The following BARX2 variants were observed in gnomAD, a reference collection of about 807,000 sequenced individuals.
The protein encoded by BARX2 is homeobox protein BarH-like 2.
A neutral mutation model predicts 25.5 loss-of-function variants in BARX2; 11 were observed. The observed-to-expected ratio is 0.43, with a 90% CI of 0.27 to 0.71. BARX2 has a LOEUF of 0.71. BARX2 is among the 30% of genes least tolerant of loss of function. The pLI is 0.19. For missense variants in BARX2, 360 were observed against 359.9 expected (o/e 1.00, Z 0.00); for synonymous variants, 137 against 149.5 (o/e 0.92, Z 0.61).
rs533368792 is a variant in BARX2, at chr11:129,448,261, C to A, written c.574-2875C>A. The stretch of plus-strand genomic sequence containing the variant: ...CTTCTTAGATATGACAGCAAAAGCA[C>A]AAGCAACAGAAGAAAACATAAATTG... On this transcript the variant is annotated intron_variant, in intron 3 of 3. Transcript: ENST00000281437. 2.0e-5 allele frequency among the ~76,000 whole-genome samples: 3 copies of A among 152,230 alleles called. No homozygotes were observed. The East Asian group carries it at 5.8e-4, about 29-fold the overall frequency.
chr11:129,434,998 C>T (rs576851370), intron 1 of BARX2, among the ~76,000 whole-genome samples: 1 of 152,330 alleles, frequency 6.6e-6, no homozygotes, highest in South Asian at 2.1e-4. Flanking sequence ...CTAGATTACA[C>T]ATTAGCCTGC....
chr11:129,418,525 G>A (rs1817118982), intron 1 of BARX2, among the ~76,000 whole-genome samples: 2 of 152,190 alleles, frequency 1.3e-5, no homozygotes, highest in South Asian at 2.1e-4. Flanking sequence ...CCTTTATCTT[G>A]TAGAAGTTGC....
At position 129,423,372 on chromosome 11, in the gene BARX2, C is replaced by T. The variant is rs541078956; in HGVS notation, c.188-13379C>T. On this transcript the variant is annotated intron_variant, in intron 1 of 3. Transcript: ENST00000281437. ...CCCCTTGATCCACCCACCTTGGCCT[C>T]CCAAAGTGCTGGGATTACGGGCTTG... is the stretch of plus-strand genomic sequence containing the variant. Among the ~76,000 whole-genome samples, 3 of 152,306 alleles carry T rather than the reference C, an allele frequency of 2.0e-5. No individual in the cohort carries two copies. In the South Asian group the frequency reaches 6.2e-4, roughly 32 times the overall value.
At chr11:129,415,359 G>A (rs887457333) in intron 1 of BARX2, among the ~76,000 whole-genome samples, 2 of 152,138 alleles carry the variant, frequency 1.3e-5, no homozygotes, top group African/African-American at 2.4e-5. Flanking sequence ...AGAAGCCATC[G>A]GGAAAAGCCT....
At chr11:129,434,604 A>G (rs1194622448) in intron 1 of BARX2, among the ~76,000 whole-genome samples, 6 of 152,090 alleles carry the variant, frequency 3.9e-5, no homozygotes, top group Non-Finnish European at 8.8e-5. Flanking sequence ...ATGTACCACA[A>G]TTTATTTAAT....
chr11:129,398,152 TGGTGACTTG>T (rs1314088082), intron 1 of BARX2, among the ~76,000 whole-genome samples: 2 of 152,236 alleles, frequency 1.3e-5, no homozygotes, highest in African/African-American at 4.8e-5. Flanking sequence ...CAGACTGTGA[TGGTGACTTG>T]GGTGTTTCTG....
At chr11:129,448,037 T>A (rs542966773) in intron 3 of BARX2, among the ~76,000 whole-genome samples, 6 of 152,382 alleles carry the variant, frequency 3.9e-5, no homozygotes, top group South Asian at 2.1e-4. Flanking sequence ...CCTTAATATC[T>A]GTGTGTTAGC....
intron 3 of BARX2, among the ~76,000 whole-genome samples, chr11:129,445,827 G>A (rs1456613815): frequency 6.6e-6 from 1 of 152,178 alleles, no homozygotes; most frequent in African/African-American, 2.4e-5. Context: ...GGAATAGCAA[G>A]GCTGTGTTGT....
At chr11:129,444,083 G>A (rs1465910859) in intron 3 of BARX2, among the ~76,000 whole-genome samples, 1 of 151,394 alleles carries the variant, frequency 6.6e-6, no homozygotes, top group Non-Finnish European at 1.5e-5. Flanking sequence ...AAATAACTAC[G>A]GGGTTCTGCC....
chr11:129,451,477 A>G lies in BARX2; in HGVS notation c.*75A>G. ...AGAAGGCAGGGAGAGTAGGGAGAGA[A>G]AACCTTCCAGCAGCCCAGTAAACTG... On this transcript the variant is annotated 3_prime_UTR_variant, in exon 4 of 4. Coordinates refer to ENST00000281437, the MANE Select transcript of BARX2 (RefSeq NM_003658.5). The G allele has an allele frequency of 1.3e-6, 2 of 1,525,572 alleles. No homozygotes were observed. The highest frequency in any genetic ancestry group is 1.8e-6 in the Non-Finnish European group (2 of 1,126,354). The allele number at this position is 1,525,572 out of a possible 1,614,324, so 94.5% of individuals were successfully genotyped here.
At position 129,440,345 on chromosome 11, in the gene BARX2, T is replaced by TTGAC. The variant is rs1862242158; in HGVS notation, c.489-2488_489-2485dup. Among the ~76,000 whole-genome samples the TTGAC allele has an allele frequency of 2.6e-5, 4 of 152,326 alleles. No homozygotes were observed. In the South Asian group the frequency reaches 8.3e-4, roughly 32 times the overall value. On this transcript the variant is annotated intron_variant, in intron 2 of 3. Transcript: ENST00000281437. ...GCAGAGCTGTGAACTGAGCCTTCCA[T>TTGAC]TGACTAATGCACCTGATGGCCTCAG...
chr11:129,386,545 A>T (rs1276270025), intron 1 of BARX2, among the ~76,000 whole-genome samples: 1 of 152,196 alleles, frequency 6.6e-6, no homozygotes, highest in African/African-American at 2.4e-5. Flanking sequence ...GTTAGAAGGG[A>T]TGAATGTTAC....
Position 129,436,722 on chromosome 11 carries a change from G to A in BARX2, c.188-29G>A. On this transcript the variant is annotated intron_variant, in intron 1 of 3. Coordinates refer to ENST00000281437, the MANE Select transcript of BARX2 (RefSeq NM_003658.5). The surrounding 1 kb of genome is among the most constrained non-coding windows in gnomAD (Gnocchi z 4.5). ...CCTGCTTCCCCACACCGTTCCCTGTGGTGACCTGCCTCCCTGCTTGTTTTC... is the reference window on the plus strand; with the variant it reads ...CCTGCTTCCCCACACCGTTCCCTGTAGTGACCTGCCTCCCTGCTTGTTTTC... The A allele has an allele frequency of 6.5e-7, 1 of 1,539,348 alleles. No individual in the cohort carries two copies. The highest frequency in any genetic ancestry group is 8.8e-7 in the Non-Finnish European group (1 of 1,138,610).
chr11:129,409,048 G>A (rs1386270756), intron 1 of BARX2, among the ~76,000 whole-genome samples: 2 of 150,780 alleles, frequency 1.3e-5, no homozygotes, highest in Admixed American at 1.3e-4. Context: ...TTGTGGGCCA[G>A]GAGCTAGCTA....
At chr11:129,405,085 G>A (rs1457578007) in intron 1 of BARX2, among the ~76,000 whole-genome samples, 1 of 152,178 alleles carries the variant, frequency 6.6e-6, no homozygotes, top group Non-Finnish European at 1.5e-5. Context: ...ATTTCCATCT[G>A]ATGCAATGAT....
At chr11:129,398,197 T>C (rs1861741635) in intron 1 of BARX2, among the ~76,000 whole-genome samples, 1 of 152,242 alleles carries the variant, frequency 6.6e-6, no homozygotes, top group Admixed American at 6.5e-5. Context: ...GGACTTACTG[T>C]TGCTCCATAC....
intron 3 of BARX2, 91 bp from the exon 4 acceptor site, chr11:129,451,045 G>T: frequency 1.3e-6 from 2 of 1,486,466 alleles, no homozygotes; most frequent in Non-Finnish European, 1.8e-6. Flanking sequence ...GGAACAGATG[G>T]TTTAGATGCA....
intron 1 of BARX2, among the ~76,000 whole-genome samples, chr11:129,414,444 A>G (rs553912215): frequency 2.0e-4 from 31 of 152,272 alleles, no homozygotes; most frequent in African/African-American, 7.2e-4. Flanking sequence ...TATGCCAATA[A>G]ACCTTATTTC....
chr11:129,434,660 T>C (rs1862169326), intron 1 of BARX2, among the ~76,000 whole-genome samples: 1 of 152,226 alleles, frequency 6.6e-6, no homozygotes, highest in Non-Finnish European at 1.5e-5. Context: ...TTTCCCCTGC[T>C]CATGATTATA....
Sources: allele counts gnomAD v4.1 joint callset (sites outside exome capture counted in the v4.1 genomes callset), GRCh38; gene constraint gnomAD v4.1.1; non-coding constraint Gnocchi (gnomAD v3.1); transcripts MANE v1.5; gene names NCBI Gene and HGNC (gene_info 2026-07-23, HGNC 2026-07-21).